The following DGKI variants were observed in gnomAD, a reference collection of about 807,000 sequenced individuals.
DGKI encodes the protein DAG kinase iota.
A neutral mutation model predicts 147.5 loss-of-function variants in DGKI; 55 were observed. The observed-to-expected ratio is 0.37, with a 90% CI of 0.30 to 0.47. The LOEUF is 0.47. Ranked by LOEUF, DGKI falls within the 20% of genes least tolerant of loss-of-function variation. DGKI has a pLI of 1.00. For synonymous variants in DGKI, 469 were observed against 477.1 expected (o/e 0.98, Z 0.22); for missense variants, 1,007 against 1,323.8 (o/e 0.76, Z 3.71).
intron 27 of DGKI, among the ~76,000 whole-genome samples, chr7:137,454,379 T>G (rs2128921974): frequency 6.6e-6 from 1 of 152,274 alleles, no homozygotes; most frequent in South Asian, 2.1e-4. Flanking sequence ...AGTATAAAAT[T>G]TTACTGCCAC....
intron 1 of DGKI, among the ~76,000 whole-genome samples, chr7:137,749,715 C>T (rs1278412538): frequency 6.6e-6 from 1 of 152,144 alleles, no homozygotes; most frequent in Non-Finnish European, 1.5e-5. Flanking sequence ...ATCAGGGTCC[C>T]TGAGTTTAAT....
chr7:137,468,364 G>A (rs1390923377), intron 24 of DGKI, among the ~76,000 whole-genome samples: 1 of 152,074 alleles, frequency 6.6e-6, no homozygotes, highest in Non-Finnish European at 1.5e-5. Context: ...CACAATATTT[G>A]TACTTTTATT....
At chr7:137,482,003 C>T (rs1016910629) in intron 23 of DGKI, among the ~76,000 whole-genome samples, 2 of 151,880 alleles carry the variant, frequency 1.3e-5, no homozygotes, top group African/African-American at 4.8e-5. Flanking sequence ...ACCTATAACA[C>T]TCCTTACTCC....
rs1353366104 is a variant in DGKI, at chr7:137,407,252, T to C, written c.2920+623A>G. ...ATATGTTTATGCTTCCAAAGGGTTT[T>C]TAGAGGCAGATGCTATAGCGCATGC... On this transcript the variant is annotated intron_variant, in intron 30 of 32. Transcript: ENST00000614521. Among the ~76,000 whole-genome samples, 3 of 152,376 alleles carry C rather than the reference T, an allele frequency of 2.0e-5. No individual in the cohort carries two copies. The South Asian group carries it at 6.2e-4, about 32-fold the overall frequency.
chr7:137,494,622 T>C (rs1585169211), intron 21 of DGKI, among the ~76,000 whole-genome samples: 2 of 152,074 alleles, frequency 1.3e-5, no homozygotes, highest in Non-Finnish European at 2.9e-5. Flanking sequence ...AAGCAAATGC[T>C]AAGAGAATTC....
chr7:137,636,127 C>T (rs1021638547), intron 6 of DGKI, among the ~76,000 whole-genome samples: 2 of 152,070 alleles, frequency 1.3e-5, no homozygotes, highest in African/African-American at 2.4e-5. Flanking sequence ...CCAGGAAATC[C>T]GCTGGGACAG....
At chr7:137,533,157 C>T (rs1817399623) in intron 20 of DGKI, among the ~76,000 whole-genome samples, 1 of 151,908 alleles carries the variant, frequency 6.6e-6, no homozygotes, top group African/African-American at 2.4e-5. Context: ...AGCACGGTGG[C>T]ATGCAACTGT....
intron 23 of DGKI, among the ~76,000 whole-genome samples, chr7:137,470,498 C>T (rs1814839362): frequency 6.6e-6 from 1 of 152,114 alleles, no homozygotes; most frequent in Non-Finnish European, 1.5e-5. Context: ...CTCAATAGTT[C>T]CCTCTCTTCC....
At chr7:137,505,043 G>T (rs571229152) in intron 21 of DGKI, among the ~76,000 whole-genome samples, 14 of 142,948 alleles carry the variant, frequency 9.8e-5, no homozygotes, top group African/African-American at 3.1e-4. Context: ...ACCAAACACC[G>T]CATGTTCTCA....
At chr7:137,502,811 T>C (rs777723926) in intron 21 of DGKI, among the ~76,000 whole-genome samples, 6 of 152,136 alleles carry the variant, frequency 3.9e-5, no homozygotes, top group African/African-American at 9.7e-5. Context: ...CTACTTTCCA[T>C]TGAACTTGGG....
chr7:137,837,219 C>G (rs1466241416), intron 1 of DGKI, among the ~76,000 whole-genome samples: 2 of 152,216 alleles, frequency 1.3e-5, no homozygotes, highest in Non-Finnish European at 2.9e-5. Flanking sequence ...TTTAGCAGCT[C>G]TTGACACAGT....
At chr7:137,696,822 G>C in intron 1 of DGKI, among the ~76,000 whole-genome samples, 1 of 152,152 alleles carries the variant, frequency 6.6e-6, no homozygotes, top group East Asian at 1.9e-4. Context: ...CGTATTTTAA[G>C]ATAGGGTCTT....
At position 137,384,828 on chromosome 7, in the gene DGKI, A is replaced by C. The variant is rs1390999322; in HGVS notation, c.*6392T>G. On this transcript the variant is annotated 3_prime_UTR_variant, in exon 33 of 33. Transcript: ENST00000614521. ...AAAGATAATTTCAGTATTTCCCACT[A>C]TCAAAGCCTCCCATTTCAGAAGGCA... 6.6e-6 allele frequency: 1 copy of C among 152,138 alleles called. No homozygotes were observed. The highest frequency in any genetic ancestry group is 1.5e-5 in the Non-Finnish European group (1 of 67,998). The allele number at this position is 152,138 out of a possible 1,614,324, so 9.4% of individuals were successfully genotyped here.
At chr7:137,596,688 A>AT (rs1333691909) in intron 12 of DGKI, among the ~76,000 whole-genome samples, 1 of 152,146 alleles carries the variant, frequency 6.6e-6, no homozygotes, top group Non-Finnish European at 1.5e-5. Flanking sequence ...GATAAAGACT[A>AT]TTTTTCCCAA....
intron 1 of DGKI, among the ~76,000 whole-genome samples, chr7:137,740,884 G>A (rs1182043846): frequency 6.6e-6 from 1 of 152,214 alleles, no homozygotes; most frequent in Non-Finnish European, 1.5e-5. Context: ...AAGATTGGAA[G>A]TAGAACAAGC....
intron 1 of DGKI, among the ~76,000 whole-genome samples, chr7:137,734,404 G>A (rs1182474436): frequency 2.0e-5 from 3 of 151,960 alleles, no homozygotes; most frequent in Admixed American, 2.0e-4. Context: ...AGATTTGCGG[G>A]TCAGGAATCT....
chr7:137,738,167 T>C lies in DGKI; in HGVS notation c.402-48165A>G, dbSNP rs191205400. On this transcript the variant is annotated intron_variant, in intron 1 of 32. Coordinates refer to ENST00000614521, the MANE Select transcript of DGKI (RefSeq NM_001321708.2). ...GATGCGGAATGAAATACAGACAAATTAATGCAGTTAGCAGGACCACATGAC... is the reference window on the plus strand; with the variant it reads ...GATGCGGAATGAAATACAGACAAATCAATGCAGTTAGCAGGACCACATGAC... 3.0e-3 allele frequency among the ~76,000 whole-genome samples: 457 copies of C among 152,234 alleles called. 2 individuals carry two copies. Among genetic ancestry groups the C allele is most frequent in the African/African-American group, 0.01 (416 of 41,536 alleles).
At position 137,742,873 on chromosome 7, in the gene DGKI, G is replaced by A. The variant is rs539159554; in HGVS notation, c.402-52871C>T. Among the ~76,000 whole-genome samples, 44 of 152,288 alleles carry A rather than the reference G, an allele frequency of 2.9e-4. 1 individual carries two copies. The highest frequency in any genetic ancestry group is 1.1e-3 in the African/African-American group (44 of 41,554). Reference sequence around the variant, plus strand: ...GATAAAAATGGAAAAATCGAAGGCTGTTTTATTACAGTCAAAGCATCTAAC... The same window carrying A: ...GATAAAAATGGAAAAATCGAAGGCTATTTTATTACAGTCAAAGCATCTAAC... On this transcript the variant is annotated intron_variant, in intron 1 of 32. Transcript: ENST00000614521.
At position 137,427,573 on chromosome 7, in the gene DGKI, T is replaced by A. The variant is rs531320176; in HGVS notation, c.2762-15366A>T. Among the ~76,000 whole-genome samples, 559 of 152,008 alleles carry A rather than the reference T, an allele frequency of 3.7e-3. 4 individuals are homozygous for A. Among genetic ancestry groups the A allele is most frequent in the African/African-American group, 0.011 (474 of 41,440 alleles). ...ATCAGAGTAGAACTGAAGGAAATAGTGACACAAAAAACCCTTCAAAAAATT... is the reference window on the plus strand; with the variant it reads ...ATCAGAGTAGAACTGAAGGAAATAGAGACACAAAAAACCCTTCAAAAAATT... On this transcript the variant is annotated intron_variant, in intron 28 of 32. Transcript: ENST00000614521.
Sources: allele counts gnomAD v4.1 joint callset (sites outside exome capture counted in the v4.1 genomes callset), GRCh38; gene constraint gnomAD v4.1.1; transcripts MANE v1.5; gene names NCBI Gene and HGNC (gene_info 2026-07-23, HGNC 2026-07-21).